The following BCAR1 variants were observed in gnomAD, a reference collection of about 807,000 sequenced individuals.
BCAR1 encodes the protein breast cancer anti-estrogen resistance protein 1.
A neutral mutation model predicts 67.6 loss-of-function variants in BCAR1; 30 were observed. The observed-to-expected ratio is 0.44, with a 90% CI of 0.33 to 0.60. The LOEUF is 0.60. BCAR1 is among the 20% of genes least tolerant of loss of function. BCAR1 has a pLI of 0.02. For missense variants in BCAR1, 1,313 were observed against 1,222.3 expected (o/e 1.07, Z -1.11); for synonymous variants, 626 against 556.7 (o/e 1.12, Z -1.75).
chr16:75,231,544 G>T (rs1193599156), intron 6 of BCAR1, among the ~76,000 whole-genome samples: 1 of 152,232 alleles, frequency 6.6e-6, no homozygotes, highest in Admixed American at 6.5e-5. Flanking sequence ...TCATCAGTAA[G>T]TCTTCATGGA....
intron 1 of BCAR1, chr16:75,263,318 G>A (rs2077944441): frequency 1.0e-6 from 1 of 985,452 alleles, no homozygotes. Context: ...CCAGCCAGAG[G>A]TCTGAGGTGG....
Position 75,235,809 on chromosome 16 carries a change from C to A in BCAR1, c.1090G>T (p.Val364Leu), listed in dbSNP as rs368083899. ...DSPPAEDVYDVPPPAPDLYDV... is the reference protein window; with the variant it reads ...DSPPAEDVYDLPPPAPDLYDV... ...TAGAGGTCAGGAGCCGGGGGCGGCA[C>A]GTCATACACGTCCTCGGCCGGCGGG... The change falls in exon 5 of 7, where the codon GTG (valine) becomes TTG (leucine). Residue 364 changes from valine to leucine, a missense_variant. Val to Leu is a conservative substitution (Grantham distance 32, BLOSUM62 1). This residue lies in a region of BCAR1 where 1,272 missense variants were observed against 1,137.5 expected (regional missense o/e 1.12). Transcript: ENST00000162330. The A allele has an allele frequency of 1.3e-6, 2 of 1,589,430 alleles. No homozygotes were observed. The highest frequency in any genetic ancestry group is 2.3e-5 in the East Asian group (1 of 44,136).
At chr16:75,256,125 G>A (rs1346052464), upstream of BCAR1, 2 of 152,628 alleles carry the variant, frequency 1.3e-5, no homozygotes, top group East Asian at 3.9e-4. Context: ...CTGGGACCAG[G>A]ACGGAACGAC....
intron 1 of BCAR1, chr16:75,250,851 C>T: frequency 1.0e-6 from 1 of 985,530 alleles, no homozygotes; most frequent in African/African-American, 1.7e-5. Context: ...CGGCTTCCAC[C>T]GGCGCTCGGC....
At chr16:75,238,478 G>A in intron 2 of BCAR1, 1 of 1,004,578 alleles carries the variant, frequency 1.0e-6, no homozygotes, top group Non-Finnish European at 1.2e-6. Flanking sequence ...ACCCCTAGAG[G>A]CCCTCCCAAT....
chr16:75,242,092 C>T (rs1003926849), intron 2 of BCAR1, among the ~76,000 whole-genome samples: 1 of 152,202 alleles, frequency 6.6e-6, no homozygotes, highest in Admixed American at 6.5e-5. Context: ...ACACGTAAAC[C>T]CAGATGGCAC....
chr16:75,263,265 G>A (rs138657920), intron 1 of BCAR1: 10,081 of 985,436 alleles, frequency 0.01, 71 homozygotes, highest in Non-Finnish European at 0.011. Flanking sequence ...GGCTGGGGGT[G>A]GCCAGCACCT....
intron 1 of BCAR1, chr16:75,250,869 G>C: frequency 2.0e-6 from 2 of 985,546 alleles, no homozygotes; most frequent in Non-Finnish European, 2.4e-6. Context: ...GGCGTGCGGG[G>C]CTGCAAAGCC....
intron 1 of BCAR1, among the ~76,000 whole-genome samples, chr16:75,261,763 C>T (rs1401943391): frequency 1.3e-5 from 2 of 152,176 alleles, no homozygotes; most frequent in East Asian, 3.9e-4. Flanking sequence ...CCACACTGAC[C>T]ATAAAGAAAG....
At position 75,242,595 on chromosome 16, in the gene BCAR1, C is replaced by T. The variant is rs2077383677; in HGVS notation, c.508G>A (p.Gly170Arg). 3 of 1,498,548 alleles carry T rather than the reference C, an allele frequency of 2.0e-6. No homozygotes were observed. The highest frequency in any genetic ancestry group is 2.7e-6 in the Non-Finnish European group (3 of 1,124,572). The allele number at this position is 1,498,548 out of a possible 1,614,324, so 92.8% of individuals were successfully genotyped here. ...PATDLYQVPP[G>R]PGGPAQDIYQ... ...ATATCCTGGGCAGGGCCTCCAGGCC[C>T]TGGGGGCACCTGGTACAGGTCTGTG... Residue 170 changes from glycine to arginine, a missense_variant, in exon 2 of 7, where the codon GGG (glycine) becomes AGG (arginine). Transcript: ENST00000162330.
upstream of BCAR1, chr16:75,252,154 T>A: frequency 6.6e-7 from 1 of 1,505,978 alleles, no homozygotes; most frequent in Non-Finnish European, 8.9e-7. Context: ...GGTCCCACCG[T>A]GTAAGGACCC....
intron 1 of BCAR1, chr16:75,249,731 G>C (rs1287983503): frequency 2.0e-5 from 3 of 152,296 alleles, no homozygotes; most frequent in Non-Finnish European, 4.4e-5. Context: ...TAAAGGGACA[G>C]CAGATGCCAG....
Position 75,242,906 on chromosome 16 carries a change from A to T in BCAR1, c.197T>A (p.Met66Lys), listed in dbSNP as rs780393782. Residue 66 changes from methionine (M) to lysine (K), a missense_variant, in exon 2 of 7, where the codon ATG becomes AAG. Met to Lys is a moderately conservative substitution (Grantham distance 95). Around this residue, in one of 2 missense-constraint regions of BCAR1, gnomAD observed 1,272 missense variants for 1,137.5 expected, o/e 1.12. Transcript: ENST00000162330. ...PGNRLKILVG[M>K]YDKKPAGPGP... is the part of the protein sequence containing the mutation. ...AGGCCCTGCTGGCTTCTTATCATAC[A>T]TGCCCACCAAGATCTTGAGGCGGTT... 8.1e-6 allele frequency: 13 copies of T among 1,612,002 alleles called. No homozygotes were observed. Among genetic ancestry groups the T allele is most frequent in the Non-Finnish European group, 1.1e-5 (13 of 1,179,756 alleles).
chr16:75,263,620 A>G (rs2077950256), intron 1 of BCAR1: 1 of 985,278 alleles, frequency 1.0e-6, no homozygotes, highest in South Asian at 4.7e-5. Flanking sequence ...CCGCACAACC[A>G]GCCCACCAAT....
chr16:75,229,612 G>C lies in BCAR1; in HGVS notation c.2512C>G (p.Pro838Ala), dbSNP rs1302266633. 6.2e-7 allele frequency: 1 copy of C among 1,612,236 alleles called. No homozygotes were observed. The highest frequency in any genetic ancestry group is 8.5e-7 in the Non-Finnish European group (1 of 1,179,814). Residue 838 changes from proline (P) to alanine (A), a missense_variant, in exon 7 of 7, where the codon CCA becomes GCA. Pro to Ala is a conservative substitution (Grantham distance 27). Around this residue, in one of 2 missense-constraint regions of BCAR1, gnomAD observed 1,272 missense variants for 1,137.5 expected, o/e 1.12. Transcript: ENST00000162330. ...ATTKAAALQY[P>A]SPSAAQDMVE... ...ATGTCCTGGGCCGCGGAAGGCGATG[G>C]GTACTGCAAGGCAGCGGCCTTGGTG... is the stretch of plus-strand genomic sequence containing the variant.
At chr16:75,238,592 GAGCCCCCCGC>G in intron 2 of BCAR1, 2 of 989,428 alleles carry the variant, frequency 2.0e-6, no homozygotes, top group Non-Finnish European at 2.4e-6. Flanking sequence ...AGGCCTGGCA[GAGCCCCCCGC>G]AGCGCAGCAG....
At chr16:75,244,566 A>C (rs1034308412) in intron 1 of BCAR1, among the ~76,000 whole-genome samples, 1 of 152,264 alleles carries the variant, frequency 6.6e-6, no homozygotes, top group Admixed American at 6.5e-5. Context: ...CCCAGGTCCC[A>C]GGATCAGACA....
At chr16:75,267,321 T>A (rs2078022564) in intron 1 of BCAR1, among the ~76,000 whole-genome samples, 1 of 148,616 alleles carries the variant, frequency 6.7e-6, no homozygotes, top group Non-Finnish European at 1.5e-5. Flanking sequence ...GGTTCCCAAC[T>A]GTGCACATCA....
chr16:75,237,172 C>T lies in BCAR1; in HGVS notation c.795+11G>A. ...GCCCTGCCCTCCCACCGCTGCGCAC[C>T]CCACACCTACCTCCTGGCCATACTG... On this transcript the variant is annotated intron_variant, in intron 3 of 6. Coordinates refer to ENST00000162330, the MANE Select transcript of BCAR1 (RefSeq NM_014567.5). 1 of 1,565,058 alleles carries T rather than the reference C, an allele frequency of 6.4e-7. No homozygotes were observed. Among genetic ancestry groups the T allele is most frequent in the Non-Finnish European group, 8.6e-7 (1 of 1,158,488 alleles).
Sources: allele counts gnomAD v4.1 joint callset (sites outside exome capture counted in the v4.1 genomes callset), GRCh38; gene constraint gnomAD v4.1.1; regional missense constraint gnomAD v4.1.1; transcripts MANE v1.5; gene names NCBI Gene and HGNC (gene_info 2026-07-23, HGNC 2026-07-21).